MLIP: variants seen among roughly 807,000 people sequenced by gnomAD.
The protein encoded by MLIP is muscular LMNA interacting protein.
Under a neutral mutation model 84.8 loss-of-function variants are expected in MLIP, and 79 were observed. That is an observed-to-expected ratio of 0.93 (90% CI 0.78 to 1.12). MLIP has a LOEUF of 1.12. Ranked by LOEUF, MLIP falls within the 50% of genes most tolerant of loss-of-function variation. The pLI, the probability that MLIP is intolerant of heterozygous loss-of-function variation, is 0.00. For missense variants in MLIP, 1,257 were observed against 1,160.6 expected, an observed-to-expected ratio of 1.08 and a Z score of -1.21; for synonymous variants, 504 against 463.0, an observed-to-expected ratio of 1.09 and a Z score of -1.14.
rs895668020 is a variant in MLIP, at chr6:54,242,493, AT to A, written c.2922+11584del. Among the ~76,000 whole-genome samples the A allele has an allele frequency of 7.2e-5, 11 of 151,946 alleles. No individual in the cohort carries two copies. The East Asian group carries it at 1.9e-3, about 27-fold the overall frequency. ...TAGTCATATATTCAAGCATGGGTTG[AT>A]TTTTTTTGGTAGCTCCTCTGAAATA... On this transcript the variant is annotated intron_variant, in intron 12 of 13. Transcript: ENST00000502396.
chr6:54,091,510 A>G (rs1767872212), intron 1 of MLIP, among the ~76,000 whole-genome samples: 1 of 152,200 alleles, frequency 6.6e-6, no homozygotes. Context: ...AGAAAATTAT[A>G]TTCAAGGAAT....
chr6:54,057,474 A>G (rs1765727358), intron 1 of MLIP, among the ~76,000 whole-genome samples: 2 of 152,242 alleles, frequency 1.3e-5, no homozygotes, highest in African/African-American at 4.8e-5. Flanking sequence ...ATAAACTTAT[A>G]AAATGCTTGC....
intron 11 of MLIP, among the ~76,000 whole-genome samples, chr6:54,208,655 A>G (rs1252881051): frequency 2.0e-5 from 3 of 152,246 alleles, no homozygotes; most frequent in South Asian, 2.1e-4. Context: ...AAGAGTCTCT[A>G]TCTCAAACCT....
In MLIP at chr6:54,136,807, C is replaced by G. The variant is rs568068748; in HGVS notation, c.738C>G (p.Asp246Glu). Residue 246 changes from aspartate to glutamate, a missense_variant, in exon 4 of 14, where the codon GAC becomes GAG. Coordinates refer to ENST00000502396, the MANE Select transcript of MLIP (RefSeq NM_001281747.2). ...CAACTAATCCGAACACACCACCCGA[C>G]CCAGTTAACCTCGAGGGAGCCTCTG... is the stretch of plus-strand genomic sequence containing the variant. ...VSPTNPNTPPDPVNLEGASVL... is the reference protein window; with the variant it reads ...VSPTNPNTPPEPVNLEGASVL... 6.5e-7 allele frequency: 1 copy of G among 1,529,628 alleles called. No homozygotes were observed. The highest frequency in any genetic ancestry group is 1.2e-5 in the South Asian group (1 of 83,952). The allele number at this position is 1,529,628 out of a possible 1,614,324, so 94.8% of individuals were successfully genotyped here.
intron 5 of MLIP, among the ~76,000 whole-genome samples, chr6:54,153,152 A>G (rs1215654607): frequency 6.6e-6 from 1 of 152,182 alleles, no homozygotes. Flanking sequence ...GTAGCAAAAA[A>G]TAATTACAGG....
intron 1 of MLIP, among the ~76,000 whole-genome samples, chr6:54,062,195 T>C (rs756624696): frequency 6.6e-6 from 1 of 152,214 alleles, no homozygotes; most frequent in Non-Finnish European, 1.5e-5. Context: ...TATGTTTTTT[T>C]TTCTTTGTAG....
chr6:54,026,729 G>A (rs1270616440), intron 1 of MLIP, among the ~76,000 whole-genome samples: 1 of 151,936 alleles, frequency 6.6e-6, no homozygotes, highest in Non-Finnish European at 1.5e-5. Flanking sequence ...GTGTGTGTGT[G>A]TGTGTGTGTG....
intron 9 of MLIP, among the ~76,000 whole-genome samples, chr6:54,179,081 G>A (rs751576084): frequency 6.6e-6 from 1 of 152,136 alleles, no homozygotes; most frequent in South Asian, 2.1e-4. Context: ...GTGCTCCAGT[G>A]TTGGCTGCAT....
chr6:54,251,906 CATATAAT>C (rs1414496635), intron 12 of MLIP, among the ~76,000 whole-genome samples: 2,966 of 65,062 alleles, frequency 0.046, 218 homozygotes, highest in East Asian at 0.12. Flanking sequence ...TATATTATAA[CATATAAT>C]ATATAATATA....
intron 10 of MLIP, among the ~76,000 whole-genome samples, chr6:54,194,694 G>T (rs1226389521): frequency 6.6e-6 from 1 of 151,378 alleles, no homozygotes; most frequent in Non-Finnish European, 1.5e-5. Context: ...TCTTTATCAA[G>T]TTTTGTCATG....
rs116484637 is a variant in MLIP at position 54,164,488 on chromosome 6, C to T, written c.2499+3689C>T. On this transcript the variant is annotated intron_variant, in intron 8 of 13. Transcript: ENST00000502396. ...CAGATTTATTGAGGTAATATTTAAT[C>T]ACTGTAAACTCCATCCTTTTAGTTT... 8.2e-3 allele frequency among the ~76,000 whole-genome samples: 1,247 copies of T among 151,976 alleles called. 17 individuals are homozygous for T. The highest frequency in any genetic ancestry group is 0.028 in the African/African-American group (1,160 of 41,522).
intron 8 of MLIP, among the ~76,000 whole-genome samples, chr6:54,167,718 G>C (rs989730301): frequency 5.3e-5 from 8 of 151,798 alleles, no homozygotes; most frequent in Admixed American, 2.0e-4. Flanking sequence ...CTTTGTTTCT[G>C]TCAGACATTG....
At chr6:54,187,836 C>G (rs1383359464) in intron 9 of MLIP, among the ~76,000 whole-genome samples, 2 of 152,014 alleles carry the variant, frequency 1.3e-5, no homozygotes, top group Non-Finnish European at 2.9e-5. Flanking sequence ...AACCCCATCT[C>G]TAATTAAAAA....
intron 1 of MLIP, among the ~76,000 whole-genome samples, chr6:54,062,717 A>G (rs781172478): frequency 6.0e-5 from 9 of 150,674 alleles, no homozygotes; most frequent in Non-Finnish European, 1.5e-5. Flanking sequence ...TTTAATATCT[A>G]TTTTTTAATT....
At chr6:54,020,173 T>C (rs1763416184) in intron 1 of MLIP, among the ~76,000 whole-genome samples, 1 of 152,182 alleles carries the variant, frequency 6.6e-6, no homozygotes, top group Non-Finnish European at 1.5e-5. Flanking sequence ...AACTACCAAA[T>C]ATAAGACCAT....
At chr6:54,062,732 A>T (rs1007391615) in intron 1 of MLIP, among the ~76,000 whole-genome samples, 12 of 150,600 alleles carry the variant, frequency 8.0e-5, no homozygotes, top group African/African-American at 3.0e-4. Flanking sequence ...TTAATTTTTT[A>T]AAATAAAGGA....
chr6:54,192,937 C>A (rs1778047687), intron 10 of MLIP, among the ~76,000 whole-genome samples: 1 of 152,168 alleles, frequency 6.6e-6, no homozygotes, highest in Non-Finnish European at 1.5e-5. Context: ...TAATGCAATT[C>A]TCAAATTGCT....
intron 9 of MLIP, among the ~76,000 whole-genome samples, chr6:54,186,670 A>G (rs1777427532): frequency 1.3e-5 from 2 of 152,058 alleles, no homozygotes; most frequent in Admixed American, 6.5e-5. Context: ...CCTTATAAAA[A>G]CCATCAGCTT....
chr6:54,054,206 A>T (rs1397241370), intron 1 of MLIP, among the ~76,000 whole-genome samples: 2 of 152,278 alleles, frequency 1.3e-5, no homozygotes, highest in South Asian at 2.1e-4. Context: ...AAGAATTTAC[A>T]TCCCACACTG....
Sources: allele counts gnomAD v4.1 joint callset (sites outside exome capture counted in the v4.1 genomes callset), GRCh38; gene constraint gnomAD v4.1.1; transcripts MANE v1.5; gene names NCBI Gene and HGNC (gene_info 2026-07-23, HGNC 2026-07-21).